Variants in RUSC2 observed in about 807,000 individuals in gnomAD.
RUSC2 encodes AP-4 complex accessory subunit RUSC2.
A neutral mutation model predicts 122.2 loss-of-function variants in RUSC2; 34 were observed. The observed-to-expected ratio is 0.28, with a 90% confidence interval of 0.21 to 0.37. The LOEUF (loss-of-function observed/expected upper bound fraction) is 0.37. Among genes scored for constraint, RUSC2 ranks in the 10% least tolerant of loss-of-function variants. The pLI is 1.00. For missense variants in RUSC2, 1,747 were observed against 1,952.4 expected, an observed-to-expected ratio of 0.89 and a Z score of 1.98; for synonymous variants, 784 against 790.0, an observed-to-expected ratio of 0.99 and a Z score of 0.13.
intron 1 of RUSC2, among the ~76,000 whole-genome samples, chr9:35,499,472 A>G (rs553175194): frequency 1.2e-3 from 183 of 152,296 alleles, no homozygotes; most frequent in Non-Finnish European, 2.0e-3. Flanking sequence ...CTTCAAGAAA[A>G]TGAGATGGTA....
intron 1 of RUSC2, among the ~76,000 whole-genome samples, chr9:35,507,066 G>A (rs972418369): frequency 5.9e-5 from 9 of 152,082 alleles, no homozygotes; most frequent in Non-Finnish European, 1.0e-4. Context: ...GCAGTGAGCT[G>A]TGATTATACC....
chr9:35,490,416 C>T (rs1290736553), intron 1 of RUSC2, among the ~76,000 whole-genome samples: 1 of 152,028 alleles, frequency 6.6e-6, no homozygotes, highest in East Asian at 1.9e-4. Flanking sequence ...TCCACCGGAC[C>T]TTCAAACACC....
At chr9:35,526,006 A>G (rs1227074611) in intron 1 of RUSC2, among the ~76,000 whole-genome samples, 1 of 152,178 alleles carries the variant, frequency 6.6e-6, no homozygotes, top group Non-Finnish European at 1.5e-5. Context: ...ATGCAGAGTG[A>G]GTTCCTAGCA....
chr9:35,536,404 G>C (rs1215324166), intron 1 of RUSC2, among the ~76,000 whole-genome samples: 3 of 152,148 alleles, frequency 2.0e-5, no homozygotes, highest in African/African-American at 7.2e-5. Context: ...TTTTGAACAG[G>C]GCCAAGTGTA....
chr9:35,495,522 G>T (rs1437501692), intron 1 of RUSC2, among the ~76,000 whole-genome samples: 1 of 151,572 alleles, frequency 6.6e-6, no homozygotes, highest in Non-Finnish European at 1.5e-5. Context: ...TCTTCCATTG[G>T]TCTTTATGTT....
At chr9:35,526,888 T>C (rs565715396) in intron 1 of RUSC2, among the ~76,000 whole-genome samples, 1 of 152,246 alleles carries the variant, frequency 6.6e-6, no homozygotes, top group Non-Finnish European at 1.5e-5. Flanking sequence ...ATTCTTGTTT[T>C]CTAATAACTT....
intron 1 of RUSC2, among the ~76,000 whole-genome samples, chr9:35,498,697 A>T (rs1433771452): frequency 1.3e-5 from 2 of 151,528 alleles, no homozygotes; most frequent in Non-Finnish European, 1.5e-5. Context: ...TGTCTACTAA[A>T]ATTCAAAAAA....
At chr9:35,521,028 A>C (rs1250724086) in intron 1 of RUSC2, among the ~76,000 whole-genome samples, 1 of 152,144 alleles carries the variant, frequency 6.6e-6, no homozygotes, top group Non-Finnish European at 1.5e-5. Flanking sequence ...ACAAATTCCC[A>C]GTCTCTAGAG....
At chr9:35,538,704 A>T (rs1359311748) in intron 1 of RUSC2, 1 of 152,442 alleles carries the variant, frequency 6.6e-6, no homozygotes, top group African/African-American at 2.4e-5. Context: ...TGCTGTCTTA[A>T]GAGTGCTCCA....
chr9:35,548,545 C>A lies in RUSC2; in HGVS notation c.2014+10C>A, dbSNP rs776337579. On this transcript the variant is annotated intron_variant, in intron 2 of 11. Coordinates refer to ENST00000361226, the MANE Select transcript of RUSC2 (RefSeq NM_014806.5). This position sits in a 1 kb window ranked among gnomAD's most constrained non-coding sequence, Gnocchi z 4.5. ...AGAGCTAGAGCTGACGGTAAGGAGC[C>A]TAAGGGTTAGCAAATATGTGGCTAT... The A allele has an allele frequency of 1.3e-6, 2 of 1,595,960 alleles. No homozygotes were observed. Among genetic ancestry groups the A allele is most frequent in the Non-Finnish European group, 1.7e-6 (2 of 1,172,748 alleles).
At position 35,560,184 on chromosome 9, in the gene RUSC2, G is replaced by T; in HGVS notation, c.3544G>T (p.Gly1182Trp). ...LLFQHRLLQS[G>W]QQQRQHKELL... is the part of the protein sequence containing the mutation. ...GTTCCAGCACCGGCTGCTGCAAAGT[G>T]GGCAGCAGCAGCGGCAGCACAAGGA... Residue 1182 changes from glycine (G) to tryptophan (W), a missense_variant, in exon 10 of 12, where the codon GGG becomes TGG. Gly to Trp is a radical substitution (Grantham distance 184). Transcript: ENST00000361226. The T allele has an allele frequency of 6.2e-7, 1 of 1,606,482 alleles. No individual in the cohort carries two copies.
Position 35,546,526 on chromosome 9 carries a change from A to G in RUSC2, c.5A>G (p.Asp2Gly). M[D>G]SPPKLTGETL... ...CCCTTATTCGAACTTTCCAGAATGGATAGTCCCCCAAAGCTGACTGGAGAG... is the reference window on the plus strand; with the variant it reads ...CCCTTATTCGAACTTTCCAGAATGGGTAGTCCCCCAAAGCTGACTGGAGAG... Residue 2 changes from aspartate (D) to glycine (G), a missense_variant, in exon 2 of 12, where the codon GAT (aspartate) becomes GGT (glycine). Asp to Gly is a moderately conservative substitution (Grantham distance 94). Transcript: ENST00000361226. The surrounding 1 kb of genome is among the most constrained non-coding windows in gnomAD (Gnocchi z 4.3). The G allele has an allele frequency of 1.4e-6, 2 of 1,442,008 alleles. No individual in the cohort carries two copies. Among genetic ancestry groups the G allele is most frequent in the Non-Finnish European group, 1.8e-6 (2 of 1,094,724 alleles). 89.3% of individuals were successfully genotyped at this position (1,442,008 alleles called of 1,614,324 possible).
chr9:35,539,735 T>G (rs190130678), intron 1 of RUSC2, among the ~76,000 whole-genome samples: 1 of 152,252 alleles, frequency 6.6e-6, no homozygotes, highest in Non-Finnish European at 1.5e-5. Flanking sequence ...TTGTAATGCC[T>G]AGGGCACCTG....
intron 1 of RUSC2, among the ~76,000 whole-genome samples, chr9:35,506,761 A>G (rs1403423998): frequency 1.3e-5 from 2 of 152,178 alleles, no homozygotes; most frequent in Non-Finnish European, 2.9e-5. Context: ...AAAATCTGTG[A>G]TCCAAGCTGA....
chr9:35,498,404 T>C (rs1015286220), intron 1 of RUSC2, among the ~76,000 whole-genome samples: 9 of 152,000 alleles, frequency 5.9e-5, no homozygotes, highest in Non-Finnish European at 1.2e-4. Context: ...TCAGGCATCT[T>C]GGCGCCTGCC....
chr9:35,536,069 CATG>C (rs532991293), intron 1 of RUSC2, among the ~76,000 whole-genome samples: 66 of 152,334 alleles, frequency 4.3e-4, no homozygotes, highest in African/African-American at 1.5e-3. Context: ...TGTTAAGTGA[CATG>C]ATTTACTTAA....
chr9:35,561,540 C>T lies in RUSC2; in HGVS notation c.*158C>T, dbSNP rs149325726. 279 of 637,456 alleles carry T rather than the reference C, an allele frequency of 4.4e-4. No homozygotes were observed. The highest frequency in any genetic ancestry group is 9.2e-4 in the Middle Eastern group (3 of 3,254). 39.5% of individuals were successfully genotyped at this position (637,456 alleles called of 1,614,324 possible). The stretch of plus-strand genomic sequence containing the variant: ...TGCTCCCTGTGCTCAGTATTAATTA[C>T]GCCCCCTTAACTGTCCCAGTGACCT... On this transcript the variant is annotated 3_prime_UTR_variant, in exon 12 of 12. Transcript: ENST00000361226.
chr9:35,559,995 CTG>C, intron 9 of RUSC2, 32 bp from the exon 10 acceptor site: 1 of 1,527,416 alleles, frequency 6.5e-7, no homozygotes, highest in Non-Finnish European at 8.9e-7. Context: ...CTCTGGTTCT[CTG>C]TGTGGATCAG....
intron 1 of RUSC2, among the ~76,000 whole-genome samples, chr9:35,495,642 G>A (rs749738852): frequency 1.1e-4 from 17 of 151,946 alleles, no homozygotes; most frequent in Non-Finnish European, 2.5e-4. Context: ...AGATTGTTTT[G>A]GTTGTTCAGG....
Sources: gnomAD v4.1 joint callset for allele counts (sites outside exome capture counted in the v4.1 genomes callset) on GRCh38, gnomAD v4.1.1 for gene constraint, Gnocchi (gnomAD v3.1) non-coding constraint, MANE v1.5 for transcripts, NCBI Gene and HGNC (gene_info 2026-07-23, HGNC 2026-07-21) for gene names.